Variants in CNTD1 observed in about 807,000 individuals in gnomAD.
CNTD1 encodes the protein cyclin N-terminal domain-containing protein 1.
Under a neutral mutation model 36.3 loss-of-function variants are expected in CNTD1, and 17 were observed. The ratio of observed to expected loss-of-function variants is 0.47; its 90% confidence interval spans 0.32 to 0.70. The LOEUF (loss-of-function observed/expected upper bound fraction) is 0.70. CNTD1 is among the 30% of genes least tolerant of loss of function. The pLI is 0.03. For missense variants in CNTD1, 338 were observed against 386.1 expected (o/e 0.88, Z 1.04); for synonymous variants, 128 against 153.3 (o/e 0.83, Z 1.22).
At chr17:42,800,284 C>A (rs1169110036) in intron 1 of CNTD1, among the ~76,000 whole-genome samples, 1 of 151,938 alleles carries the variant, frequency 6.6e-6, no homozygotes, top group Non-Finnish European at 1.5e-5. Context: ...ATGGCCCAGG[C>A]ATCGGGACAT....
At chr17:42,799,707 G>A (rs548270252) in intron 1 of CNTD1, among the ~76,000 whole-genome samples, 6 of 133,006 alleles carry the variant, frequency 4.5e-5, no homozygotes, top group African/African-American at 1.8e-4. Flanking sequence ...AGCCGAAATC[G>A]TGCCATTGCA....
intron 3 of CNTD1, chr17:42,805,362 C>T (rs1490361199): frequency 5.7e-6 from 1 of 176,852 alleles, no homozygotes; most frequent in Non-Finnish European, 1.2e-5. Context: ...ATACAGAGGG[C>T]TATAAATGTA....
Position 42,809,450 on chromosome 17 carries a change from G to T in CNTD1, c.908G>T (p.Gly303Val), listed in dbSNP as rs149803603. The change falls in exon 7 of 7, where the codon GGA becomes GTA. Residue 303 changes from glycine (G) to valine (V), a missense_variant. Transcript: ENST00000588408. ...TATGCAATCCTGACTCACGGAGTGG[G>T]AGCCAACACTCCGGGGAGACAGCAG... ...FSYAILTHGV[G>V]ANTPGRQQSI... 11 of 1,613,902 alleles carry T rather than the reference G, an allele frequency of 6.8e-6. No homozygotes were observed. In the African/African-American group the frequency reaches 1.5e-4, roughly 22 times the overall value.
In CNTD1 at chr17:42,799,209, G is replaced by A; in HGVS notation, c.142G>A (p.Gly48Ser). 3.7e-6 allele frequency: 6 copies of A among 1,613,904 alleles called. No homozygotes were observed. Among genetic ancestry groups the A allele is most frequent in the Non-Finnish European group, 5.1e-6 (6 of 1,179,918 alleles). Residue 48 changes from glycine (G) to serine (S), a missense_variant, in exon 1 of 7, where the codon GGC (glycine) becomes AGC (serine). By Grantham distance (56) the Gly-to-Ser change is moderately conservative. Coordinates refer to ENST00000588408, the MANE Select transcript of CNTD1 (RefSeq NM_173478.3). ...QAVREASGRL[G>S]RFREPQIVEF... ...AGTGAGGGAGGCTTCGGGGCGGCTG[G>A]GCCGCTTCAGGGAGCCCCAGATCGT...
chr17:42,801,191 AAAAAAAAAACAACAAC>A (rs1283015491), intron 1 of CNTD1, among the ~76,000 whole-genome samples: 1 of 143,478 alleles, frequency 7.0e-6, no homozygotes, highest in Non-Finnish European at 1.5e-5. Context: ...TCTCCCAAAA[AAAAAAAAAACAACAAC>A]AAAAAAAAAC....
rs762103091 is a variant in CNTD1, at chr17:42,809,532, A to G, written c.990A>G (p.Thr330=). The part of the protein sequence containing the change: ...RALKTVASSN[T] Reference sequence around the variant, plus strand: ...TGAAGACTGTTGCTTCCTCTAACACATGAGGGAGGCTGAATCCACCAAATA... The same window carrying G: ...TGAAGACTGTTGCTTCCTCTAACACGTGAGGGAGGCTGAATCCACCAAATA... The change falls in exon 7 of 7, where the codon ACA becomes ACG. Residue 330 remains threonine (T), a synonymous_variant. Transcript: ENST00000588408. The G allele has an allele frequency of 1.9e-6, 3 of 1,613,638 alleles. No individual in the cohort carries two copies. The highest frequency in any genetic ancestry group is 2.5e-6 in the Non-Finnish European group (3 of 1,179,666).
At position 42,810,788 on chromosome 17, in the gene CNTD1, C is replaced by G; in HGVS notation, c.*1253C>G. ...TTTGTTATAAAATTGTGAGGACACCCAAGCAAGACCCCACTTAAGATTCGT... is the reference window on the plus strand; with the variant it reads ...TTTGTTATAAAATTGTGAGGACACCGAAGCAAGACCCCACTTAAGATTCGT... On this transcript the variant is annotated 3_prime_UTR_variant, in exon 7 of 7. Transcript: ENST00000588408. 6.2e-7 allele frequency: 1 copy of G among 1,612,106 alleles called. No individual in the cohort carries two copies. The highest frequency in any genetic ancestry group is 8.5e-7 in the Non-Finnish European group (1 of 1,179,116).
rs1597915504 is a variant in CNTD1, at chr17:42,804,310, G to T, written c.331G>T (p.Ala111Ser). 2 of 1,613,952 alleles carry T rather than the reference G, an allele frequency of 1.2e-6. No individual in the cohort carries two copies. The highest frequency in any genetic ancestry group is 1.7e-6 in the Non-Finnish European group (2 of 1,179,890). The change falls in exon 3 of 7, where the codon GCT becomes TCT. Residue 111 changes from alanine to serine, a missense_variant. Transcript: ENST00000588408. The stretch of plus-strand genomic sequence containing the variant: ...TAAGAGAGAGTCTCAGAATTGGAGG[G>T]CTCTGAAACAGCAGCTTGTCAACAA... ...DNKRESQNWR[A>S]LKQQLVNKFT... is the part of the protein sequence containing the mutation.
rs748298985 is a variant in CNTD1, at chr17:42,799,017, C to G, written c.-51C>G. On this transcript the variant is annotated 5_prime_UTR_variant, in exon 1 of 7. Coordinates refer to ENST00000588408, the MANE Select transcript of CNTD1 (RefSeq NM_173478.3). Reference sequence around the variant, plus strand: ...AAGACTGGAGAGGAGCTAAGGGGGTCGGTATGTGGATCCAGTGAACCCGTC... The same window carrying G: ...AAGACTGGAGAGGAGCTAAGGGGGTGGGTATGTGGATCCAGTGAACCCGTC... 5 of 1,596,704 alleles carry G rather than the reference C, an allele frequency of 3.1e-6. No homozygotes were observed. The highest frequency in any genetic ancestry group is 4.3e-6 in the Non-Finnish European group (5 of 1,171,842).
intron 5 of CNTD1, among the ~76,000 whole-genome samples, chr17:42,807,552 T>C (rs1339885058): frequency 6.6e-6 from 1 of 152,188 alleles, no homozygotes; most frequent in Non-Finnish European, 1.5e-5. Flanking sequence ...AAAAGGCCTA[T>C]AAACCATTCA....
chr17:42,801,553 TGTG>T (rs2054796373), intron 1 of CNTD1, among the ~76,000 whole-genome samples: 1 of 22,716 alleles, frequency 4.4e-5, no homozygotes, highest in African/African-American at 1.9e-4. Flanking sequence ...ATATAATATA[TGTG>T]TGTGTGTGTG....
chr17:42,801,510 AATATAT>A lies in CNTD1; in HGVS notation c.170-2078_170-2073del, dbSNP rs1216506814. On this transcript the variant is annotated intron_variant, in intron 1 of 6. Transcript: ENST00000588408. ...GACCTTGTCTCAAAAAAAAAAAAAAAATATATATATATATATATATATATATATATA... is the reference window on the plus strand; with the variant it reads ...GACCTTGTCTCAAAAAAAAAAAAAAAATATATATATATATATATATATATA... Among the ~76,000 whole-genome samples, 412 of 54,258 alleles carry A rather than the reference AATATAT, an allele frequency of 7.6e-3. 8 individuals carry two copies. Among genetic ancestry groups the A allele is most frequent in the East Asian group, 0.028 (52 of 1,846 alleles). 35.6% of individuals were successfully genotyped at this position (54,258 alleles called of 152,430 possible). A position where few individuals can be genotyped will look rare whatever the true frequency, so the allele number is the denominator to read the frequency against.
At chr17:42,804,672 G>A (rs2054849244) in intron 3 of CNTD1, among the ~76,000 whole-genome samples, 1 of 152,024 alleles carries the variant, frequency 6.6e-6, no homozygotes, top group Non-Finnish European at 1.5e-5. Flanking sequence ...GCCAGGTGTG[G>A]TGGCGCACAC....
In CNTD1 at chr17:42,799,211, C is replaced by T. The variant is rs777999566; in HGVS notation, c.144C>T (p.Gly48=). 1.2e-6 allele frequency: 2 copies of T among 1,613,784 alleles called. No individual in the cohort carries two copies. The highest frequency in any genetic ancestry group is 2.2e-5 in the South Asian group (2 of 91,068). ...QAVREASGRL[G]RFREPQIVEF... The stretch of plus-strand genomic sequence containing the variant: ...TGAGGGAGGCTTCGGGGCGGCTGGG[C>T]CGCTTCAGGGAGCCCCAGATCGTGG... Residue 48 remains glycine, a synonymous_variant, in exon 1 of 7, where the codon GGC becomes GGT. Coordinates refer to ENST00000588408, the MANE Select transcript of CNTD1 (RefSeq NM_173478.3).
chr17:42,805,636 C>T (rs1485105745), intron 3 of CNTD1, 86 bp from the exon 4 acceptor site: 1 of 1,163,326 alleles, frequency 8.6e-7, no homozygotes, highest in Non-Finnish European at 1.2e-6. Context: ...AAGGAATAGG[C>T]TGGATTATGA....
At chr17:42,809,073 C>G (rs1009173670) in intron 6 of CNTD1, among the ~76,000 whole-genome samples, 2 of 152,194 alleles carry the variant, frequency 1.3e-5, no homozygotes, top group African/African-American at 4.8e-5. Flanking sequence ...AAAACAAAGT[C>G]CAACAATTAT....
chr17:42,804,481 G>T, intron 3 of CNTD1, 85 bp downstream of exon 3: 1 of 1,167,976 alleles, frequency 8.6e-7, no homozygotes, highest in South Asian at 1.4e-5. Flanking sequence ...TGAGCTTCAA[G>T]TCAGTGACAA....
Position 42,805,729 on chromosome 17 carries a change from G to A in CNTD1, c.425G>A (p.Ser142Asn). The change falls in exon 4 of 7, where the codon AGC becomes AAC. Residue 142 changes from serine (S) to asparagine (N), a missense_variant. By Grantham distance (46) the Ser-to-Asn change is conservative. Coordinates refer to ENST00000588408, the MANE Select transcript of CNTD1 (RefSeq NM_173478.3). ...SKLSFRNKIISNITVLNFLQA... is the reference protein window; with the variant it reads ...SKLSFRNKIINNITVLNFLQA... Reference sequence around the variant, plus strand: ...TCTCTTTTCTTTGCTCAGATAATCAGCAACATTACAGTCTTGAATTTCCTC... The same window carrying A: ...TCTCTTTTCTTTGCTCAGATAATCAACAACATTACAGTCTTGAATTTCCTC... The A allele has an allele frequency of 6.2e-7, 1 of 1,609,938 alleles. No homozygotes were observed. The highest frequency in any genetic ancestry group is 8.5e-7 in the Non-Finnish European group (1 of 1,178,444).
chr17:42,806,215 G>A (rs1035366918), intron 4 of CNTD1, among the ~76,000 whole-genome samples: 24 of 148,870 alleles, frequency 1.6e-4, no homozygotes, highest in Admixed American at 1.3e-3. Flanking sequence ...GCAACAGAGC[G>A]GACTCCTTCT....
Sources: allele counts gnomAD v4.1 joint callset (sites outside exome capture counted in the v4.1 genomes callset), GRCh38; gene constraint gnomAD v4.1.1; transcripts MANE v1.5; gene names NCBI Gene and HGNC (gene_info 2026-07-23, HGNC 2026-07-21).